The following PDE11A variants were observed in gnomAD, a reference collection of about 807,000 sequenced individuals.
PDE11A encodes phosphodiesterase 11A, also known as dual 3',5'-cyclic-AMP and -GMP phosphodiesterase 11A.
PDE11A carries 100 observed loss-of-function variants against 100.5 expected under a neutral mutation model. The ratio of observed to expected loss-of-function variants is 1.00; its 90% CI spans 0.85 to 1.18. The LOEUF is 1.18. Among genes scored for constraint, PDE11A ranks in the 50% most tolerant of loss-of-function variants. The pLI, the probability that PDE11A is intolerant of heterozygous loss-of-function variation, is 0.00. For synonymous variants in PDE11A, 381 were observed against 420.8 expected, an observed-to-expected ratio of 0.91 and a Z score of 1.16; for missense variants, 1,141 against 1,152.6, an observed-to-expected ratio of 0.99 and a Z score of 0.15.
intron 12 of PDE11A, among the ~76,000 whole-genome samples, chr2:177,718,301 A>G (rs182747513): frequency 7.2e-5 from 11 of 152,316 alleles, no homozygotes; most frequent in Non-Finnish European, 1.6e-4. Context: ...GGTGGGATAA[A>G]AGCCCAGGTA....
At chr2:178,013,616 C>A (rs1410513853) in intron 2 of PDE11A, among the ~76,000 whole-genome samples, 5 of 152,090 alleles carry the variant, frequency 3.3e-5, no homozygotes, top group Non-Finnish European at 5.9e-5. Context: ...TTGAGATTTG[C>A]TTTTAGCGCA....
intron 5 of PDE11A, among the ~76,000 whole-genome samples, chr2:177,857,780 G>A (rs1033722170): frequency 6.6e-6 from 1 of 151,998 alleles, no homozygotes; most frequent in African/African-American, 2.4e-5. Context: ...ATTTTACACT[G>A]TCTACAAGGG....
At chr2:178,050,309 TA>T (rs2086807368) in intron 1 of PDE11A, among the ~76,000 whole-genome samples, 1 of 152,056 alleles carries the variant, frequency 6.6e-6, no homozygotes, top group Non-Finnish European at 1.5e-5. Context: ...GAAGGAAAAC[TA>T]ACAAACAGAA....
At chr2:177,744,988 G>A (rs1022647814) in intron 10 of PDE11A, among the ~76,000 whole-genome samples, 1 of 152,212 alleles carries the variant, frequency 6.6e-6, no homozygotes, top group Non-Finnish European at 1.5e-5. Context: ...GTGAGAGCTA[G>A]AAACAAACCT....
intron 9 of PDE11A, among the ~76,000 whole-genome samples, chr2:177,805,778 T>C (rs888237953): frequency 2.0e-5 from 3 of 152,144 alleles, no homozygotes; most frequent in African/African-American, 7.2e-5. Context: ...GATTGGCCAG[T>C]GGTTTCAATT....
intron 2 of PDE11A, among the ~76,000 whole-genome samples, chr2:177,972,053 A>T: frequency 6.6e-6 from 1 of 152,346 alleles, no homozygotes; most frequent in East Asian, 1.9e-4. Flanking sequence ...TGATACCAGC[A>T]GTAGGATACA....
At chr2:177,697,588 C>A (rs573568225) in intron 14 of PDE11A, among the ~76,000 whole-genome samples, 156 bp from the exon 15 acceptor site, 9 of 152,302 alleles carry the variant, frequency 5.9e-5, no homozygotes, top group African/African-American at 1.4e-4. Context: ...GATTCTCTGG[C>A]AAACCTAGCA....
At chr2:178,046,194 T>A (rs2086748547) in intron 1 of PDE11A, among the ~76,000 whole-genome samples, 1 of 152,200 alleles carries the variant, frequency 6.6e-6, no homozygotes, top group Non-Finnish European at 1.5e-5. Flanking sequence ...TACTGGCTAT[T>A]ACTATTAATT....
At chr2:178,075,400 A>C (rs1455803126), upstream of PDE11A, among the ~76,000 whole-genome samples, 1 of 151,910 alleles carries the variant, frequency 6.6e-6, no homozygotes, top group Non-Finnish European at 1.5e-5. Context: ...AAAAATACAA[A>C]AATTAGCCTG....
At chr2:178,079,580 A>G (rs149542666) in intron 2 of PDE11A, among the ~76,000 whole-genome samples, 1,975 of 152,232 alleles carry the variant, frequency 0.013, 18 homozygotes, top group Non-Finnish European at 0.02. Flanking sequence ...TACTATTGTG[A>G]ATAGTGCTGC....
At chr2:178,018,482 C>A (rs71423544) in intron 1 of PDE11A, 58,035 of 504,070 alleles carry the variant, frequency 0.12, 4,357 homozygotes, top group Non-Finnish European at 0.15. Flanking sequence ...AGACTTAACA[C>A]CTTAAAAAGT....
At chr2:177,819,890 C>CTCTCTCTCTCTCTCTCTCTCTCTCTG (rs1558954590) in intron 7 of PDE11A, among the ~76,000 whole-genome samples, 145 of 138,608 alleles carry the variant, frequency 1.0e-3, no homozygotes, top group African/African-American at 3.9e-3. Flanking sequence ...CTCTCTCTCT[C>CTCTCTCTCTCTCTCTCTCTCTCTCTG]TCTCTGTCTC....
At chr2:178,098,604 A>C (rs2087523759) in intron 2 of PDE11A, among the ~76,000 whole-genome samples, 2 of 152,330 alleles carry the variant, frequency 1.3e-5, no homozygotes, top group Non-Finnish European at 2.9e-5. Flanking sequence ...TTAGAGTATA[A>C]ATATGACTAT....
intron 6 of PDE11A, among the ~76,000 whole-genome samples, chr2:177,833,191 T>G (rs1352282527): frequency 1.3e-5 from 2 of 152,160 alleles, no homozygotes; most frequent in Non-Finnish European, 2.9e-5. Context: ...CCAATGTGCC[T>G]AGGAAACCTG....
chr2:177,767,808 T>C (rs577334018), intron 10 of PDE11A, among the ~76,000 whole-genome samples: 78 of 152,266 alleles, frequency 5.1e-4, no homozygotes, highest in African/African-American at 1.8e-3. Context: ...ATCTATTGAG[T>C]GTTACTATGT....
chr2:177,672,590 A>C (rs542330888), intron 17 of PDE11A, among the ~76,000 whole-genome samples: 12 of 152,334 alleles, frequency 7.9e-5, no homozygotes, highest in African/African-American at 2.9e-4. Flanking sequence ...TACAATTATA[A>C]CTAAAAGCTA....
intron 1 of PDE11A, among the ~76,000 whole-genome samples, chr2:178,031,370 T>C (rs918826356): frequency 6.6e-6 from 1 of 152,094 alleles, no homozygotes; most frequent in African/African-American, 2.4e-5. Flanking sequence ...AGGTAAAGGA[T>C]TGTAAAGAAA....
chr2:177,682,261 C>A (rs911329569), intron 15 of PDE11A, among the ~76,000 whole-genome samples: 2 of 152,184 alleles, frequency 1.3e-5, no homozygotes, highest in Non-Finnish European at 2.9e-5. Flanking sequence ...AGATGTTCCG[C>A]CTTTCCTGAC....
At chr2:178,056,371 T>A (rs886441290) in intron 1 of PDE11A, among the ~76,000 whole-genome samples, 1 of 152,162 alleles carries the variant, frequency 6.6e-6, no homozygotes, top group African/African-American at 2.4e-5. Flanking sequence ...AACTCCTGGG[T>A]TGCTGCTGCT....
Sources: allele counts gnomAD v4.1 joint callset (sites outside exome capture counted in the v4.1 genomes callset), GRCh38; gene constraint gnomAD v4.1.1; transcripts MANE v1.5; gene names NCBI Gene and HGNC (gene_info 2026-07-23, HGNC 2026-07-21).